HIVEP2: variants seen among roughly 807,000 people sequenced by gnomAD.
The protein encoded by HIVEP2 is transcription factor HIVEP2.
In HIVEP2, 14 loss-of-function variants were observed where a neutral mutation model predicts 180.7. That is an observed-to-expected ratio of 0.08 (90% CI 0.05 to 0.12). The LOEUF is 0.12. Ranked by LOEUF, HIVEP2 falls within the 10% of genes least tolerant of loss-of-function variation. HIVEP2 has a pLI of 1.00. For synonymous variants in HIVEP2, 1,184 were observed against 1,136.4 expected, an observed-to-expected ratio of 1.04 and a Z score of -0.84; for missense variants, 2,579 against 3,008.5, an observed-to-expected ratio of 0.86 and a Z score of 3.34.
Position 142,768,412 on chromosome 6 carries a change from T to C in HIVEP2, c.5312A>G (p.Glu1771Gly), listed in dbSNP as rs763685280. 3.7e-6 allele frequency: 6 copies of C among 1,611,688 alleles called. No individual in the cohort carries two copies. Among genetic ancestry groups the C allele is most frequent in the Non-Finnish European group, 5.1e-6 (6 of 1,179,290 alleles). Residue 1771 changes from glutamate to glycine, a missense_variant, in exon 6 of 10, where the codon GAG (glutamate) becomes GGG (glycine). Physicochemically the swap from Glu to Gly is moderately conservative, Grantham distance 98. Coordinates refer to ENST00000367603, the MANE Select transcript of HIVEP2 (RefSeq NM_006734.4). ...GDKDIGSKQT[E>G]PIRIKIFEGG... ...TTCAAATATTTTAATTCGGATTGGC[T>C]CAGTTTGTTTGGATCCAATATCTTT...
chr6:142,927,089 G>C (rs1192372684), intron 1 of HIVEP2, among the ~76,000 whole-genome samples: 2 of 151,776 alleles, frequency 1.3e-5, no homozygotes, highest in African/African-American at 4.8e-5. Flanking sequence ...CCGGCCCAGC[G>C]CTGCTACCGG....
intron 2 of HIVEP2, among the ~76,000 whole-genome samples, chr6:142,811,395 A>T (rs1370484674): frequency 6.6e-6 from 1 of 152,242 alleles, no homozygotes; most frequent in Non-Finnish European, 1.5e-5. Flanking sequence ...CTGGCTGCTT[A>T]CAAATGGGAG....
chr6:142,818,678 GAA>G (rs1776914463), intron 2 of HIVEP2, among the ~76,000 whole-genome samples: 6 of 14,868 alleles, frequency 4.0e-4, no homozygotes, highest in Non-Finnish European at 3.8e-3. Context: ...AAAAAAAAAA[GAA>G]AGAGAGAGAG....
intron 1 of HIVEP2, among the ~76,000 whole-genome samples, chr6:142,878,083 T>C (rs540503936): frequency 7.9e-4 from 121 of 152,300 alleles, no homozygotes; most frequent in African/African-American, 2.7e-3. Flanking sequence ...CTGATTTTTA[T>C]AGGAGTGGAG....
rs779546468 is a variant in HIVEP2, at chr6:142,774,437, G to C, written c.302C>G (p.Pro101Arg). ...GACCCCCTGTGGCAATGAGTGCTGA[G>C]GGAAAGAGAGTGAGTGTTGGCATGA... ...PYSCQHSLSF[P>R]QHSLPQGVMH... Residue 101 changes from proline (P) to arginine (R), a missense_variant, in exon 5 of 10, where the codon CCT becomes CGT. Pro to Arg is a moderately radical substitution (Grantham distance 103, BLOSUM62 -2). Coordinates refer to ENST00000367603, the MANE Select transcript of HIVEP2 (RefSeq NM_006734.4). This position sits in a 1 kb window ranked among gnomAD's most constrained non-coding sequence, Gnocchi z 5.1. 5 of 1,614,206 alleles carry C rather than the reference G, an allele frequency of 3.1e-6. No homozygotes were observed. The highest frequency in any genetic ancestry group is 4.2e-6 in the Non-Finnish European group (5 of 1,180,046).
chr6:142,907,682 C>T (rs1215297301), intron 1 of HIVEP2, among the ~76,000 whole-genome samples: 2 of 152,130 alleles, frequency 1.3e-5, no homozygotes, highest in Admixed American at 1.3e-4. Flanking sequence ...GAGTGAAACC[C>T]CATAAACAAA....
chr6:142,832,970 C>T lies in HIVEP2; in HGVS notation c.-528+3965G>A, dbSNP rs531124223. 9.2e-5 allele frequency among the ~76,000 whole-genome samples: 14 copies of T among 152,266 alleles called. No homozygotes were observed. In the South Asian group the frequency reaches 1.5e-3, roughly 16 times the overall value. ...TTGACTCTGCCCCCAGATTTTGATACGGCTGGCTTCTATTTCTTTATGTCA... is the reference window on the plus strand; with the variant it reads ...TTGACTCTGCCCCCAGATTTTGATATGGCTGGCTTCTATTTCTTTATGTCA... On this transcript the variant is annotated intron_variant, in intron 2 of 9. Transcript: ENST00000367603.
At chr6:142,885,260 G>T (rs1012962562) in intron 1 of HIVEP2, among the ~76,000 whole-genome samples, 1 of 152,076 alleles carries the variant, frequency 6.6e-6, no homozygotes, top group African/African-American at 2.4e-5. Context: ...ATGGAGGAGG[G>T]CTAAGAAACA....
At chr6:142,869,545 G>A (rs1276049248) in intron 1 of HIVEP2, among the ~76,000 whole-genome samples, 1 of 152,006 alleles carries the variant, frequency 6.6e-6, no homozygotes, top group Non-Finnish European at 1.5e-5. Context: ...TAAAAATTCT[G>A]AAGTACTATA....
At chr6:142,801,030 G>A (rs1382267457) in intron 2 of HIVEP2, among the ~76,000 whole-genome samples, 1 of 151,870 alleles carries the variant, frequency 6.6e-6, no homozygotes, top group Non-Finnish European at 1.5e-5. Flanking sequence ...ATATAGTGTG[G>A]GGAACATAAT....
intron 2 of HIVEP2, among the ~76,000 whole-genome samples, chr6:142,809,808 G>C (rs1776644621): frequency 6.6e-6 from 1 of 152,072 alleles, no homozygotes; most frequent in Admixed American, 6.6e-5. Flanking sequence ...TTGGCAGGCT[G>C]GTCTTGAACT....
intron 1 of HIVEP2, among the ~76,000 whole-genome samples, chr6:142,842,595 G>A (rs1247475462): frequency 6.6e-6 from 1 of 152,178 alleles, no homozygotes; most frequent in Non-Finnish European, 1.5e-5. Flanking sequence ...AAGGAGTGAT[G>A]TGCTTCTCCA....
At chr6:142,832,520 C>T (rs776566654) in intron 2 of HIVEP2, among the ~76,000 whole-genome samples, 3 of 152,018 alleles carry the variant, frequency 2.0e-5, no homozygotes, top group East Asian at 1.9e-4. Context: ...CAGACTCCGA[C>T]GTCAGTAAAG....
At chr6:142,874,453 C>G (rs982913210) in intron 1 of HIVEP2, among the ~76,000 whole-genome samples, 3 of 151,956 alleles carry the variant, frequency 2.0e-5, no homozygotes, top group African/African-American at 7.3e-5. Flanking sequence ...GTTTTGAAAT[C>G]AGTGTTTTCG....
chr6:142,895,883 GT>G (rs1235380816), intron 1 of HIVEP2, among the ~76,000 whole-genome samples: 1 of 152,046 alleles, frequency 6.6e-6, no homozygotes, highest in Non-Finnish European at 1.5e-5. Context: ...TATTTTTGGT[GT>G]TTCATTTTCA....
Position 142,771,644 on chromosome 6 carries a change from G to A in HIVEP2, c.3095C>T (p.Ser1032Leu). The A allele has an allele frequency of 1.2e-6, 2 of 1,614,146 alleles. No individual in the cohort carries two copies. The highest frequency in any genetic ancestry group is 8.5e-7 in the Non-Finnish European group (1 of 1,179,988). The stretch of plus-strand genomic sequence containing the variant: ...TGGGTGAGGACAAGGCATCTGCTCT[G>A]ATGAGCAGCGTCGCATCTCTTTCTG... ...HHQKEMRRCS[S>L]EQMPCPHPAE... The change falls in exon 5 of 10, where the codon TCA (serine) becomes TTA (leucine). Residue 1032 changes from serine to leucine, a missense_variant. Physicochemically the swap from Ser to Leu is moderately radical, Grantham distance 145. This residue lies in a region of HIVEP2 where 523 missense variants were observed against 577.0 expected (regional missense o/e 0.91). Coordinates refer to ENST00000367603, the MANE Select transcript of HIVEP2 (RefSeq NM_006734.4). The surrounding 1 kb of genome is among the most constrained non-coding windows in gnomAD (Gnocchi z 5.4).
chr6:142,932,826 G>C lies in HIVEP2; in HGVS notation c.-641+12273C>G, dbSNP rs192458541. Reference sequence around the variant, plus strand: ...TCCTAAGTGATTTCTTGCTCAGTTAGAGATTAAATGATGCCTCCAATAGTT... The same window carrying C: ...TCCTAAGTGATTTCTTGCTCAGTTACAGATTAAATGATGCCTCCAATAGTT... On this transcript the variant is annotated intron_variant, in intron 1 of 9. Transcript: ENST00000367603. Among the ~76,000 whole-genome samples, 31 of 152,328 alleles carry C rather than the reference G, an allele frequency of 2.0e-4. No homozygotes were observed. In the East Asian group the frequency reaches 5.6e-3, roughly 27 times the overall value.
Position 142,760,394 on chromosome 6 carries a change from T to C in HIVEP2, c.5894A>G (p.His1965Arg), listed in dbSNP as rs779055580. The C allele has an allele frequency of 1.9e-6, 3 of 1,614,192 alleles. No homozygotes were observed. Among genetic ancestry groups the C allele is most frequent in the South Asian group, 2.2e-5 (2 of 91,082 alleles). Residue 1965 changes from histidine to arginine, a missense_variant, in exon 9 of 10, where the codon CAT becomes CGT. Around this residue, in one of 11 missense-constraint regions of HIVEP2, gnomAD observed 660 missense variants for 731.7 expected, o/e 0.90. Coordinates refer to ENST00000367603, the MANE Select transcript of HIVEP2 (RefSeq NM_006734.4). ...HGVPSDSSLG[H>R]SSLISYLVTL... ...AACCAAATAGCTGATCAACGAAGAA[T>C]GTCCCAGGGAACTATCTGAAGGAAC...
rs889178567 is a variant in HIVEP2 at position 142,934,846 on chromosome 6, T to C, written c.-641+10253A>G. ...CCTCCTCCATTTGTCTTGGCCTACA[T>C]GGGGCAAGGGTGTGTAGTGGTGGAA... is the stretch of plus-strand genomic sequence containing the variant. On this transcript the variant is annotated intron_variant, in intron 1 of 9. Transcript: ENST00000367603. Among the ~76,000 whole-genome samples the C allele has an allele frequency of 3.7e-4, 56 of 152,138 alleles. 1 individual carries two copies. The highest frequency in any genetic ancestry group is 1.4e-3 in the African/African-American group (56 of 41,430).
Sources: gnomAD v4.1 joint callset for allele counts (sites outside exome capture counted in the v4.1 genomes callset) on GRCh38, gnomAD v4.1.1 for gene constraint, gnomAD v4.1.1 regional missense constraint, Gnocchi (gnomAD v3.1) non-coding constraint, MANE v1.5 for transcripts, NCBI Gene and HGNC (gene_info 2026-07-23, HGNC 2026-07-21) for gene names.